CABIN1: variants seen among roughly 807,000 people sequenced by gnomAD.
CABIN1 encodes calcineurin-binding protein cabin-1.
A neutral mutation model predicts 227.7 loss-of-function variants in CABIN1; 133 were observed. The ratio of observed to expected loss-of-function variants is 0.58; its 90% CI spans 0.51 to 0.67. CABIN1 has a LOEUF of 0.67. Ranked by LOEUF, CABIN1 falls within the 30% of genes least tolerant of loss-of-function variation. CABIN1 has a pLI of 0.00. For synonymous variants in CABIN1, 1,086 were observed against 1,155.1 expected, an observed-to-expected ratio of 0.94 and a Z score of 1.21; for missense variants, 2,408 against 2,852.5, an observed-to-expected ratio of 0.84 and a Z score of 3.55.
At chr22:24,167,379 T>G in intron 32 of CABIN1, 66 bp downstream of exon 32, 1 of 1,511,502 alleles carries the variant, frequency 6.6e-7, no homozygotes, top group Non-Finnish European at 9.1e-7. Flanking sequence ...TGCCTTTCTA[T>G]CCTCAAGGAG....
chr22:24,156,412 G>T, intron 29 of CABIN1: 1 of 255,700 alleles, frequency 3.9e-6, no homozygotes, highest in Non-Finnish European at 7.4e-6. Context: ...GGCGGCAGGC[G>T]CTGGTGAAGC....
rs369932933 is a variant in CABIN1 at position 24,177,665 on chromosome 22, C to T, written c.6367C>T (p.Arg2123Trp). 25 of 1,613,738 alleles carry T rather than the reference C, an allele frequency of 1.5e-5. No homozygotes were observed. Among genetic ancestry groups the T allele is most frequent in the Admixed American group, 3.3e-5 (2 of 59,990 alleles). The change falls in exon 36 of 37, where the codon CGG (arginine) becomes TGG (tryptophan). Residue 2123 changes from arginine (R) to tryptophan (W), a missense_variant. By Grantham distance (101) the Arg-to-Trp change is moderately radical. This residue lies in a region of CABIN1 where 714 missense variants were observed against 773.8 expected (regional missense o/e 0.92). Transcript: ENST00000263119. This position sits in a 1 kb window ranked among gnomAD's most constrained non-coding sequence, Gnocchi z 4.4. ...TCACCCAGGCAAGCCTGAGCCCAGC[C>T]GGGCTAAGTCCCGCCCCCTGCCCAA... ...EGHPGKPEPS[R>W]AKSRPLPNMP...
chr22:24,035,541 A>G (rs1367026474), intron 2 of CABIN1, 21 bp downstream of exon 2: 24 of 1,613,716 alleles, frequency 1.5e-5, no homozygotes, highest in Non-Finnish European at 1.9e-5. Context: ...ATGCCTGCCT[A>G]TTTTGCGGAC....
At chr22:24,032,118 A>G (rs2036541840) in intron 1 of CABIN1, among the ~76,000 whole-genome samples, 2 of 152,166 alleles carry the variant, frequency 1.3e-5, no homozygotes, top group Non-Finnish European at 2.9e-5. Flanking sequence ...GAAAAGTTGA[A>G]ATGCTATACC....
chr22:24,086,328 GC>G (rs907802643), intron 22 of CABIN1, among the ~76,000 whole-genome samples: 2 of 152,220 alleles, frequency 1.3e-5, no homozygotes, highest in East Asian at 1.9e-4. Context: ...TCACCTGACA[GC>G]CCCTTATTCA....
intron 19 of CABIN1, among the ~76,000 whole-genome samples, chr22:24,080,918 T>G (rs887940206): frequency 6.6e-6 from 1 of 152,142 alleles, no homozygotes; most frequent in Non-Finnish European, 1.5e-5. Context: ...GTTTTTTTCT[T>G]TTTTCCCCCT....
rs1031177699 is a variant in CABIN1 at position 24,177,962 on chromosome 22, G to A, written c.6520-91G>A. ...GCCTGGGGCAGGGGTGAGGGTGGGAGGGGGGCCTGGGGCAGGGGTGAAGGT... is the reference window on the plus strand; with the variant it reads ...GCCTGGGGCAGGGGTGAGGGTGGGAAGGGGGCCTGGGGCAGGGGTGAAGGT... On this transcript the variant is annotated intron_variant, in intron 36 of 36. Transcript: ENST00000263119. The surrounding 1 kb of genome is among the most constrained non-coding windows in gnomAD (Gnocchi z 4.4). 25 of 1,586,812 alleles carry A rather than the reference G, an allele frequency of 1.6e-5. No individual in the cohort carries two copies. The highest frequency in any genetic ancestry group is 2.1e-5 in the Non-Finnish European group (24 of 1,164,956).
chr22:24,081,856 G>A (rs990324493), intron 19 of CABIN1, among the ~76,000 whole-genome samples: 1 of 151,836 alleles, frequency 6.6e-6, no homozygotes, highest in African/African-American at 2.4e-5. Flanking sequence ...GTGAAACCCC[G>A]TCTCTACTAA....
At chr22:24,064,535 T>TTA (rs1491127059) in intron 15 of CABIN1, among the ~76,000 whole-genome samples, 11 of 147,880 alleles carry the variant, frequency 7.4e-5, no homozygotes, top group Non-Finnish European at 1.3e-4. Context: ...TTTTTTTTTT[T>TTA]ATTGATCATT....
chr22:24,119,258 C>G, intron 27 of CABIN1, 109 bp from the exon 28 acceptor site: 1 of 940,966 alleles, frequency 1.1e-6, no homozygotes, highest in Non-Finnish European at 1.7e-6. Flanking sequence ...GGGCATTGAT[C>G]CAGCCGTGCT....
At chr22:24,147,720 A>G (rs2148431667) in intron 29 of CABIN1, among the ~76,000 whole-genome samples, 1 of 152,206 alleles carries the variant, frequency 6.6e-6, no homozygotes, top group South Asian at 2.1e-4. Flanking sequence ...CTGGGATTAC[A>G]GGCATGAGCC....
chr22:24,127,862 A>T lies in CABIN1; in HGVS notation c.4633-6440A>T, dbSNP rs2043830689. 2.0e-5 allele frequency among the ~76,000 whole-genome samples: 3 copies of T among 152,150 alleles called. No individual in the cohort carries two copies. In the South Asian group the frequency reaches 6.2e-4, roughly 32 times the overall value. ...TGAGTGATCTAGAACAGTTGTATAT[A>T]TATGAGTATATATGAATAACGTAGA... is the stretch of plus-strand genomic sequence containing the variant. On this transcript the variant is annotated intron_variant, in intron 28 of 36. Coordinates refer to ENST00000263119, the MANE Select transcript of CABIN1 (RefSeq NM_012295.4).
At chr22:24,159,129 C>T (rs2046004542) in intron 29 of CABIN1, among the ~76,000 whole-genome samples, 1 of 152,224 alleles carries the variant, frequency 6.6e-6, no homozygotes. Flanking sequence ...GATCTTGAGT[C>T]TCCCAGGAGG....
chr22:24,143,847 G>A (rs1185163527), intron 29 of CABIN1, among the ~76,000 whole-genome samples: 1 of 152,146 alleles, frequency 6.6e-6, no homozygotes, highest in Non-Finnish European at 1.5e-5. Context: ...GCCATCAGAG[G>A]CCTCGCTCTT....
At chr22:24,016,393 T>C (rs2035286305) in intron 1 of CABIN1, among the ~76,000 whole-genome samples, 1 of 152,254 alleles carries the variant, frequency 6.6e-6, no homozygotes, top group Admixed American at 6.5e-5. Flanking sequence ...TATCAGTTGA[T>C]GGATTTTGGG....
chr22:24,019,884 C>T (rs1171440705), intron 1 of CABIN1, among the ~76,000 whole-genome samples: 3 of 151,330 alleles, frequency 2.0e-5, no homozygotes, highest in East Asian at 2.0e-4. Context: ...CTTGAACTCC[C>T]GACCTCAGAT....
At chr22:24,050,679 C>T (rs1308832037) in intron 7 of CABIN1, 146 bp from the exon 8 acceptor site, 2 of 910,650 alleles carry the variant, frequency 2.2e-6, no homozygotes, top group Non-Finnish European at 3.4e-6. Context: ...CTGCCCTACC[C>T]AGGCCAGACT....
rs888659911 is a variant in CABIN1 at position 24,168,346 on chromosome 22, G to C, written c.5683-101G>C. Reference sequence around the variant, plus strand: ...GGGGGGCACCCGAGCCACAGGGCATGCCCCCTACCTAGGCTGGTCTGTGCT... The same window carrying C: ...GGGGGGCACCCGAGCCACAGGGCATCCCCCCTACCTAGGCTGGTCTGTGCT... On this transcript the variant is annotated intron_variant, in intron 32 of 36. Transcript: ENST00000263119. The C allele has an allele frequency of 5.8e-5, 69 of 1,180,138 alleles. 1 individual carries two copies. Among genetic ancestry groups the C allele is most frequent in the Middle Eastern group, 2.7e-4 (1 of 3,736 alleles). The allele number at this position is 1,180,138 out of a possible 1,614,324, so 73.1% of individuals were successfully genotyped here.
chr22:24,074,796 C>A (rs920597387), intron 18 of CABIN1, among the ~76,000 whole-genome samples: 2 of 152,158 alleles, frequency 1.3e-5, no homozygotes, highest in African/African-American at 4.8e-5. Context: ...AATCGTAGAA[C>A]TGAGGAAAAC....
Sources: allele counts gnomAD v4.1 joint callset (sites outside exome capture counted in the v4.1 genomes callset), GRCh38; gene constraint gnomAD v4.1.1; regional missense constraint gnomAD v4.1.1; non-coding constraint Gnocchi (gnomAD v3.1); transcripts MANE v1.5; gene names NCBI Gene and HGNC (gene_info 2026-07-23, HGNC 2026-07-21).